Variants in MYH15 observed in about 807,000 individuals in gnomAD.
MYH15 encodes myosin-15.
Under a neutral mutation model 240.5 loss-of-function variants are expected in MYH15, and 227 were observed. That is an observed-to-expected ratio of 0.94 (90% CI 0.85 to 1.05). MYH15 has a LOEUF of 1.05. MYH15 is among the 50% of genes least tolerant of loss of function. MYH15 has a pLI of 0.00. For synonymous variants in MYH15, 785 were observed against 796.7 expected (o/e 0.99, Z 0.25); for missense variants, 2,217 against 2,247.5 (o/e 0.99, Z 0.27).
At chr3:108,451,622 G>T (rs1181421164) in intron 21 of MYH15, among the ~76,000 whole-genome samples, 2 of 152,044 alleles carry the variant, frequency 1.3e-5, no homozygotes, top group African/African-American at 2.4e-5. Flanking sequence ...GTTATAAACT[G>T]GTTCATGTTT....
At chr3:108,465,592 A>G (rs901928115) in intron 14 of MYH15, among the ~76,000 whole-genome samples, 18 of 152,204 alleles carry the variant, frequency 1.2e-4, no homozygotes, top group African/African-American at 4.3e-4. Flanking sequence ...TGCACTCTGT[A>G]CTGGAAAGCC....
At chr3:108,533,118 C>CTTTTT (rs10561890), upstream of MYH15, among the ~76,000 whole-genome samples, 178 of 97,670 alleles carry the variant, frequency 1.8e-3, 10 homozygotes, top group Middle Eastern at 6.0e-3. Context: ...ACAATAAAAG[C>CTTTTT]TTTTTTTTTT....
Position 108,485,077 on chromosome 3 carries a change from A to G in MYH15, c.1114+14T>C, listed in dbSNP as rs762925801. On this transcript the variant is annotated intron_variant, in intron 11 of 40. Transcript: ENST00000693548. ...GATTTGAAGTATATACCATATCTTC[A>G]AAGTAATTCTTACTTTCTGTGCCAT... is the stretch of plus-strand genomic sequence containing the variant. 1.5e-5 allele frequency: 24 copies of G among 1,613,546 alleles called. No individual in the cohort carries two copies. The highest frequency in any genetic ancestry group is 1.9e-5 in the Non-Finnish European group (22 of 1,179,798).
At chr3:108,394,186 A>C (rs555379507) in intron 35 of MYH15, 30 bp from the exon 36 acceptor site, 3 of 1,612,796 alleles carry the variant, frequency 1.9e-6, no homozygotes, top group East Asian at 4.5e-5. Flanking sequence ...CTATTAGGCA[A>C]GTAAAAACCA....
intron 10 of MYH15, 118 bp downstream of exon 10, chr3:108,486,305 T>C: frequency 1.5e-6 from 1 of 670,610 alleles, no homozygotes; most frequent in Non-Finnish European, 2.5e-6. Context: ...GAAGCAGCCC[T>C]ACACCCCTAC....
At chr3:108,513,453 C>T (rs2083536111), upstream of MYH15, among the ~76,000 whole-genome samples, 1 of 152,146 alleles carries the variant, frequency 6.6e-6, no homozygotes, top group South Asian at 2.1e-4. Flanking sequence ...CTGGGAGTAC[C>T]TCACTTCTAG....
intron 30 of MYH15, among the ~76,000 whole-genome samples, chr3:108,412,238 C>G (rs568796323): frequency 3.3e-5 from 5 of 152,112 alleles, no homozygotes; most frequent in Non-Finnish European, 7.4e-5. Flanking sequence ...ATTTAATCAT[C>G]GAGGCGGTAA....
At chr3:108,500,877 G>T (rs1198003394) in intron 3 of MYH15, among the ~76,000 whole-genome samples, 6 of 152,214 alleles carry the variant, frequency 3.9e-5, no homozygotes, top group Admixed American at 3.9e-4. Flanking sequence ...AGAAGGTGAT[G>T]TGACAATGCA....
At chr3:108,429,342 G>T (rs542029821) in intron 26 of MYH15, among the ~76,000 whole-genome samples, 1 of 152,264 alleles carries the variant, frequency 6.6e-6, no homozygotes, top group East Asian at 1.9e-4. Context: ...CAATTTAATT[G>T]TAAGAAATAG....
At chr3:108,526,641 T>A (rs1354955731) in intron 1 of MYH15, among the ~76,000 whole-genome samples, 3 of 152,186 alleles carry the variant, frequency 2.0e-5, no homozygotes, top group African/African-American at 4.8e-5. Context: ...ATTTTCATTT[T>A]AAAAAGTATA....
intron 37 of MYH15, among the ~76,000 whole-genome samples, chr3:108,390,688 T>C (rs2082417030): frequency 6.6e-6 from 1 of 152,236 alleles, no homozygotes; most frequent in Non-Finnish European, 1.5e-5. Context: ...TGAGAATAAT[T>C]CTTACTTGTG....
chr3:108,440,466 G>A (rs1326822991), intron 23 of MYH15, among the ~76,000 whole-genome samples: 2 of 152,114 alleles, frequency 1.3e-5, no homozygotes, highest in African/African-American at 2.4e-5. Flanking sequence ...GTGTCACTTT[G>A]GAGATTGTGT....
chr3:108,401,319 G>C (rs1303834200), intron 33 of MYH15, among the ~76,000 whole-genome samples: 1 of 152,178 alleles, frequency 6.6e-6, no homozygotes, highest in Admixed American at 6.6e-5. Flanking sequence ...AAGAGGAAGA[G>C]ACACAGGGAT....
chr3:108,492,201 T>TAC (rs10662107), intron 9 of MYH15, among the ~76,000 whole-genome samples: 47,147 of 147,668 alleles, frequency 0.32, 8,019 homozygotes, highest in East Asian at 0.57. Flanking sequence ...AATGCTTTTA[T>TAC]ACACACACAC....
intron 19 of MYH15, 37 bp downstream of exon 19, chr3:108,456,729 T>G (rs2083023008): frequency 1.4e-6 from 2 of 1,449,088 alleles, no homozygotes; most frequent in Admixed American, 3.4e-5. Context: ...CAGAATGAAC[T>G]GCCTCAGGCT....
intron 29 of MYH15, among the ~76,000 whole-genome samples, chr3:108,415,090 T>C (rs1411078141): frequency 1.3e-5 from 2 of 152,206 alleles, no homozygotes; most frequent in Non-Finnish European, 2.9e-5. Context: ...TAGTTACCTG[T>C]AGTGTAGTAG....
rs777365934 is a variant in MYH15, at chr3:108,464,788, T to C, written c.1581A>G (p.Glu527=). 3.9e-5 allele frequency: 63 copies of C among 1,610,886 alleles called. No homozygotes were observed. In the Middle Eastern group the frequency reaches 4.1e-3, roughly 106 times the overall value. ...TAGCCTTAGGAAACATACACTCTTCTTCAAGGATGGAAAGGATGCCCATTG... is the reference window on the plus strand; with the variant it reads ...TAGCCTTAGGAAACATACACTCTTCCTCAAGGATGGAAAGGATGCCCATTG... The part of the protein sequence containing the change: ...EKPMGILSIL[E]EECMFPKATD... The change falls in exon 15 of 41, where the codon GAA becomes GAG. Residue 527 remains glutamate (E), a synonymous_variant. Transcript: ENST00000693548.
intron 20 of MYH15, among the ~76,000 whole-genome samples, chr3:108,455,125 T>A (rs926193151): frequency 3.9e-5 from 6 of 152,318 alleles, no homozygotes; most frequent in Middle Eastern, 3.4e-3. Flanking sequence ...AATAATTTGT[T>A]CCTTATATGA....
intron 11 of MYH15, among the ~76,000 whole-genome samples, chr3:108,482,016 G>T (rs889260978): frequency 2.6e-5 from 4 of 152,086 alleles, no homozygotes; most frequent in Non-Finnish European, 5.9e-5. Flanking sequence ...AAGGATGCAA[G>T]CAGGGAGACC....
Sources: gnomAD v4.1 joint callset for allele counts (sites outside exome capture counted in the v4.1 genomes callset) on GRCh38, gnomAD v4.1.1 for gene constraint, MANE v1.5 for transcripts, NCBI Gene and HGNC (gene_info 2026-07-23, HGNC 2026-07-21) for gene names.